Variants in ZMYM2 observed in about 807,000 individuals in gnomAD.
The protein encoded by ZMYM2 is zinc finger MYM-type containing 2.
A neutral mutation model predicts 162.8 loss-of-function variants in ZMYM2; 56 were observed. The ratio of observed to expected loss-of-function variants is 0.34; its 90% CI spans 0.28 to 0.43. The LOEUF is 0.43. ZMYM2 is among the 20% of genes least tolerant of loss of function. The pLI, the probability that ZMYM2 is intolerant of heterozygous loss-of-function variation, is 1.00. For missense variants in ZMYM2, 1,275 were observed against 1,621.8 expected, an observed-to-expected ratio of 0.79 and a Z score of 3.67; for synonymous variants, 510 against 541.6, an observed-to-expected ratio of 0.94 and a Z score of 0.81.
chr13:20,080,491 CTT>C (rs377755390), intron 21 of ZMYM2, among the ~76,000 whole-genome samples: 1 of 146,130 alleles, frequency 6.8e-6, no homozygotes, highest in African/African-American at 2.5e-5. Flanking sequence ...ATATCTGTCT[CTT>C]TTTTTTTTTT....
intron 6 of ZMYM2, among the ~76,000 whole-genome samples, chr13:20,007,124 A>T (rs1950803395): frequency 6.6e-6 from 1 of 152,082 alleles, no homozygotes; most frequent in Admixed American, 6.6e-5. Context: ...TTTAAATTTT[A>T]AGGTTAATGT....
At chr13:20,035,701 G>GT (rs1788744858) in intron 11 of ZMYM2, among the ~76,000 whole-genome samples, 1 of 152,100 alleles carries the variant, frequency 6.6e-6, no homozygotes, top group South Asian at 2.1e-4. Context: ...ATTCAGATCG[G>GT]TAATAGCATG....
chr13:20,047,537 G>A (rs540352541), intron 12 of ZMYM2, among the ~76,000 whole-genome samples: 1 of 152,202 alleles, frequency 6.6e-6, no homozygotes, highest in East Asian at 1.9e-4. Context: ...ATTATTTCAT[G>A]TTTAGCCATG....
At chr13:20,013,408 C>CT (rs1000187413) in intron 6 of ZMYM2, among the ~76,000 whole-genome samples, 10 of 152,246 alleles carry the variant, frequency 6.6e-5, no homozygotes, top group African/African-American at 2.4e-4. Flanking sequence ...GATAGTTCTA[C>CT]TTTTTTCCAA....
chr13:20,055,145 G>A (rs1322707090), intron 14 of ZMYM2, among the ~76,000 whole-genome samples: 1 of 152,096 alleles, frequency 6.6e-6, no homozygotes, highest in Admixed American at 6.5e-5. Flanking sequence ...GAGGAGTAGG[G>A]GTAGGGGCAT....
intron 11 of ZMYM2, among the ~76,000 whole-genome samples, chr13:20,036,386 C>G (rs1414966337): frequency 1.3e-5 from 2 of 152,054 alleles, no homozygotes; most frequent in South Asian, 4.2e-4. Flanking sequence ...TACATTGTTC[C>G]TTTTTCTAAA....
At chr13:19,935,380 G>T in the ZMYM2 span, among the ~76,000 whole-genome samples, 1 of 151,956 alleles carries the variant, frequency 6.6e-6, no homozygotes, top group Non-Finnish European at 1.5e-5. Flanking sequence ...CAAGTGATCC[G>T]CCTGCCTCAG....
chr13:19,955,858 T>C (rs1193112164), upstream of ZMYM2, among the ~76,000 whole-genome samples: 3 of 152,222 alleles, frequency 2.0e-5, no homozygotes, highest in Admixed American at 6.5e-5. Flanking sequence ...TTCTGAGGTT[T>C]TGAGTGGCCA....
In ZMYM2 at chr13:20,030,674, A is replaced by G. The variant is rs191322277; in HGVS notation, c.1852-645A>G. ...TGGCCTCCCAAAGTGCCGGGATTAC[A>G]GGCATGAGCCACCACGCCTGGCCTA... On this transcript the variant is annotated intron_variant, in intron 9 of 24. Transcript: ENST00000610343. Among the ~76,000 whole-genome samples the G allele has an allele frequency of 1.2e-3, 181 of 152,330 alleles. 2 individuals are homozygous for G. The highest frequency in any genetic ancestry group is 6.8e-3 in the Middle Eastern group (2 of 294).
At chr13:19,911,183 A>G in the ZMYM2 span, among the ~76,000 whole-genome samples, 1 of 151,576 alleles carries the variant, frequency 6.6e-6, no homozygotes, top group African/African-American at 2.4e-5. Context: ...CAGCCTCCCA[A>G]GTAGCTGAAA....
Position 20,049,698 on chromosome 13 carries a change from T to C in ZMYM2, c.2293-1735T>C, listed in dbSNP as rs1955138435. ...AATATTTGACCTTAGTCAAGTCATT[T>C]AATCTTTCTAGATCTTAGTTTGCAG... On this transcript the variant is annotated intron_variant, in intron 12 of 24. Transcript: ENST00000610343. Among the ~76,000 whole-genome samples, 3 of 152,216 alleles carry C rather than the reference T, an allele frequency of 2.0e-5. 1 individual carries two copies. The South Asian group carries it at 6.2e-4, about 31-fold the overall frequency.
the ZMYM2 span, among the ~76,000 whole-genome samples, chr13:19,894,504 C>A: frequency 1.3e-5 from 2 of 151,986 alleles, no homozygotes; most frequent in East Asian, 3.9e-4. Flanking sequence ...TGCCACCACG[C>A]CCAGCTAATT....
the ZMYM2 span, among the ~76,000 whole-genome samples, chr13:19,885,950 TACAC>T: frequency 5.0e-5 from 4 of 79,654 alleles, 2 homozygotes; most frequent in South Asian, 7.2e-4. Context: ...TATATGTATA[TACAC>T]ATATATATGT....
Position 20,080,895 on chromosome 13 carries a change from A to G in ZMYM2, c.3454-1121A>G, listed in dbSNP as rs140213144. On this transcript the variant is annotated intron_variant, in intron 21 of 24. Transcript: ENST00000610343. ...GGTCATGCTTGTATGTCATGCAGAC[A>G]TTCAACTATGCTGTAACATGAAAGC... Among the ~76,000 whole-genome samples, 9 of 152,386 alleles carry G rather than the reference A, an allele frequency of 5.9e-5. No homozygotes were observed. In the East Asian group the frequency reaches 1.7e-3, roughly 29 times the overall value.
At chr13:20,065,059 T>C (rs1172512174) in intron 19 of ZMYM2, among the ~76,000 whole-genome samples, 1 of 152,202 alleles carries the variant, frequency 6.6e-6, no homozygotes, top group Non-Finnish European at 1.5e-5. Flanking sequence ...TAGAAAGACA[T>C]GCTGGACAGT....
intron 2 of ZMYM2, among the ~76,000 whole-genome samples, chr13:19,987,620 CGT>C (rs756005409): frequency 0.14 from 17,078 of 121,178 alleles, 1,342 homozygotes; most frequent in Middle Eastern, 0.27. Flanking sequence ...GGGGTTTTGT[CGT>C]GTGTGTGTGT....
intron 12 of ZMYM2, among the ~76,000 whole-genome samples, chr13:20,049,530 G>C (rs9509017): frequency 0.027 from 4,129 of 152,076 alleles, 120 homozygotes; most frequent in East Asian, 0.13. Context: ...GAATCTTCTT[G>C]TAGCATTTTA....
chr13:19,905,574 T>C, the ZMYM2 span, among the ~76,000 whole-genome samples: 2 of 152,174 alleles, frequency 1.3e-5, no homozygotes, highest in African/African-American at 4.8e-5. Context: ...AGACAGCCCT[T>C]GTGCCCCAGA....
intron 2 of ZMYM2, among the ~76,000 whole-genome samples, chr13:19,984,519 C>T (rs1415648385): frequency 1.3e-5 from 2 of 152,124 alleles, no homozygotes; most frequent in Non-Finnish European, 2.9e-5. Context: ...TATTTTTATA[C>T]CATTTACTGT....
Sources: allele counts gnomAD v4.1 joint callset (sites outside exome capture counted in the v4.1 genomes callset), GRCh38; gene constraint gnomAD v4.1.1; transcripts MANE v1.5; gene names NCBI Gene and HGNC (gene_info 2026-07-23, HGNC 2026-07-21).